PDE3B: variants seen among roughly 807,000 people sequenced by gnomAD.
The protein encoded by PDE3B is phosphodiesterase 3B.
PDE3B carries 66 observed loss-of-function variants against 116.8 expected under a neutral mutation model. That is an observed-to-expected ratio of 0.56 (90% confidence interval 0.46 to 0.69). The LOEUF (loss-of-function observed/expected upper bound fraction) is 0.69. Ranked by LOEUF, PDE3B falls within the 30% of genes least tolerant of loss-of-function variation. The probability of loss-of-function intolerance (pLI) is 0.00; values close to 1 mark genes in which losing one functional copy is unlikely to be tolerated. For synonymous variants in PDE3B, 595 were observed against 533.6 expected, an observed-to-expected ratio of 1.12 and a Z score of -1.59; for missense variants, 1,384 against 1,368.1, an observed-to-expected ratio of 1.01 and a Z score of -0.18.
At chr11:14,878,044 C>T in the PDE3B span, 1 of 1,473,130 alleles carries the variant, frequency 6.8e-7, no homozygotes. Flanking sequence ...TATTCTAATA[C>T]ACACATTGAT....
chr11:14,650,789 C>T (rs901322698), intron 1 of PDE3B, among the ~76,000 whole-genome samples: 1 of 151,842 alleles, frequency 6.6e-6, no homozygotes, highest in Admixed American at 6.6e-5. Flanking sequence ...AAGAAGGGGA[C>T]CCTGAGCCAA....
chr11:14,656,227 G>A (rs1853712970), intron 1 of PDE3B, among the ~76,000 whole-genome samples: 2 of 152,160 alleles, frequency 1.3e-5, no homozygotes, highest in Admixed American at 1.3e-4. Context: ...TGGGAGAAAT[G>A]CTAAAGAGCT....
chr11:14,705,228 C>T (rs1032149964), intron 1 of PDE3B, among the ~76,000 whole-genome samples: 3 of 151,704 alleles, frequency 2.0e-5, no homozygotes, highest in African/African-American at 4.8e-5. Flanking sequence ...GCAGTTAATT[C>T]ATAATAGCTG....
downstream of PDE3B, among the ~76,000 whole-genome samples, chr11:14,873,804 G>C (rs1473500283): frequency 6.6e-6 from 1 of 152,094 alleles, no homozygotes; most frequent in Non-Finnish European, 1.5e-5. Flanking sequence ...CTGGTACATT[G>C]GACAATGAGC....
Position 14,819,072 on chromosome 11 carries a change from T to C in PDE3B, c.1734-64T>C, listed in dbSNP as rs991468116. The C allele has an allele frequency of 1.3e-5, 12 of 929,300 alleles. No homozygotes were observed. In the African/African-American group the frequency reaches 1.9e-4, roughly 15 times the overall value. The allele number at this position is 929,300 out of a possible 1,614,324, so 57.6% of individuals were successfully genotyped here. On this transcript the variant is annotated intron_variant, in intron 6 of 15. Coordinates refer to ENST00000282096, the MANE Select transcript of PDE3B (RefSeq NM_000922.4). Reference sequence around the variant, plus strand: ...GTTAAAAATTAAACAGATTTTCTAATTGTGTTCAGGTAAAAAACTTGTACC... The same window carrying C: ...GTTAAAAATTAAACAGATTTTCTAACTGTGTTCAGGTAAAAAACTTGTACC...
At chr11:14,783,770 A>C (rs1373794855) in intron 2 of PDE3B, among the ~76,000 whole-genome samples, 1 of 152,194 alleles carries the variant, frequency 6.6e-6, no homozygotes, top group African/African-American at 2.4e-5. Flanking sequence ...ATAATAAAAA[A>C]AAAGAATGAA....
At chr11:14,880,242 T>A in the PDE3B span, 13 of 1,612,888 alleles carry the variant, frequency 8.1e-6, no homozygotes, top group Non-Finnish European at 1.1e-5. Flanking sequence ...AAATTAGGTT[T>A]TCTTTGGAGA....
intron 9 of PDE3B, 94 bp downstream of exon 9, chr11:14,831,871 G>A: frequency 2.8e-6 from 2 of 716,208 alleles, no homozygotes; most frequent in Non-Finnish European, 2.3e-6. Flanking sequence ...TTAAGCACTA[G>A]TTCAACAATG....
At position 14,645,075 on chromosome 11, in the gene PDE3B, G is replaced by T. The variant is rs144654356; in HGVS notation, c.978+22G>T. On this transcript the variant is annotated intron_variant, in intron 1 of 15. Transcript: ENST00000282096. ...ACAGGTATGTTAGCTGGAAGGCGAG[G>T]TCTGGGACGCGAGCGGGTTCGGGTT... The T allele has an allele frequency of 5.7e-4, 883 of 1,544,002 alleles. 9 individuals carry two copies. In the African/African-American group the frequency reaches 7.9e-3, roughly 14 times the overall value.
In PDE3B at chr11:14,823,148, T is replaced by C. The variant is rs1859575910; in HGVS notation, c.1807+3939T>C. Among the ~76,000 whole-genome samples the C allele has an allele frequency of 3.9e-5, 6 of 152,344 alleles. No individual in the cohort carries two copies. The South Asian group carries it at 1.2e-3, about 32-fold the overall frequency. On this transcript the variant is annotated intron_variant, in intron 7 of 15. Coordinates refer to ENST00000282096, the MANE Select transcript of PDE3B (RefSeq NM_000922.4). ...GGGAGGGACAGGCCGCCATCTTTGC[T>C]GTTTCACAGCCTTAGCCATTGTTGC... is the stretch of plus-strand genomic sequence containing the variant.
At chr11:14,676,851 A>T (rs1854545360) in intron 1 of PDE3B, among the ~76,000 whole-genome samples, 2 of 152,016 alleles carry the variant, frequency 1.3e-5, no homozygotes, top group South Asian at 2.1e-4. Context: ...TAATGCACTA[A>T]TTTTTTTCCT....
intron 1 of PDE3B, among the ~76,000 whole-genome samples, chr11:14,681,277 A>G (rs1854697566): frequency 6.6e-6 from 1 of 152,182 alleles, no homozygotes; most frequent in African/African-American, 2.4e-5. Flanking sequence ...TACCACTGTG[A>G]TACGGTTTGG....
the PDE3B span, among the ~76,000 whole-genome samples, chr11:14,878,796 T>C: frequency 6.6e-6 from 1 of 152,234 alleles, no homozygotes; most frequent in African/African-American, 2.4e-5. Flanking sequence ...TAAGTGACTA[T>C]ATCTTTTCCC....
intron 7 of PDE3B, among the ~76,000 whole-genome samples, chr11:14,822,518 G>A (rs1859553923): frequency 1.3e-5 from 2 of 152,098 alleles, no homozygotes; most frequent in Non-Finnish European, 2.9e-5. Context: ...CCTCGCCCAG[G>A]GAAGCATGAG....
At chr11:14,819,230 TG>T in intron 7 of PDE3B, 21 bp downstream of exon 7, 1 of 1,450,108 alleles carries the variant, frequency 6.9e-7, no homozygotes, top group South Asian at 1.2e-5. Flanking sequence ...AAAAGTCATA[TG>T]TATTTGAGTT....
At chr11:14,738,785 G>T (rs759637786) in intron 1 of PDE3B, among the ~76,000 whole-genome samples, 3 of 152,162 alleles carry the variant, frequency 2.0e-5, no homozygotes, top group Non-Finnish European at 4.4e-5. Flanking sequence ...TGTATAAGGT[G>T]TAAGAAAGGG....
intron 3 of PDE3B, chr11:14,788,840 A>C (rs1336767075): frequency 4.1e-6 from 1 of 241,698 alleles, no homozygotes; most frequent in African/African-American, 2.3e-5. Flanking sequence ...CTTATGAAAC[A>C]AGTAGTAAAA....
At chr11:14,849,712 A>G (rs981227301) in intron 12 of PDE3B, among the ~76,000 whole-genome samples, 3 of 152,224 alleles carry the variant, frequency 2.0e-5, no homozygotes, top group Non-Finnish European at 4.4e-5. Context: ...GAAGACATTT[A>G]TGCAGCCAAA....
intron 1 of PDE3B, among the ~76,000 whole-genome samples, chr11:14,752,547 A>G (rs1048620219): frequency 5.3e-5 from 8 of 152,114 alleles, no homozygotes; most frequent in African/African-American, 1.7e-4. Flanking sequence ...GCTCTCTTCT[A>G]AAGTTCCTCC....
Sources: allele counts gnomAD v4.1 joint callset (sites outside exome capture counted in the v4.1 genomes callset), GRCh38; gene constraint gnomAD v4.1.1; transcripts MANE v1.5; gene names NCBI Gene and HGNC (gene_info 2026-07-23, HGNC 2026-07-21).